CSMD2: variants seen among roughly 807,000 people sequenced by gnomAD.
CSMD2 encodes CUB and sushi domain-containing protein 2.
CSMD2 carries 130 observed loss-of-function variants against 398.5 expected under a neutral mutation model. That is an observed-to-expected ratio of 0.33 (90% CI 0.28 to 0.38). The LOEUF is 0.38. Among genes scored for constraint, CSMD2 ranks in the 10% least tolerant of loss-of-function variants. The pLI is 1.00. For synonymous variants in CSMD2, 1,828 were observed against 1,908.5 expected (o/e 0.96, Z 1.10); for missense variants, 3,829 against 4,764.9 (o/e 0.80, Z 5.78).
rs866947820 is a variant in CSMD2 at position 33,785,395 on chromosome 1, G to A, written c.1663+3205C>T. 2.0e-5 allele frequency among the ~76,000 whole-genome samples: 3 copies of A among 152,238 alleles called. No homozygotes were observed. The South Asian group carries it at 6.2e-4, about 32-fold the overall frequency. ...CCTTGGGAGGCTTCTGGTGCAAGGGGAAAATCCATGGGCTTCTGAAGCCAG... is the reference window on the plus strand; with the variant it reads ...CCTTGGGAGGCTTCTGGTGCAAGGGAAAAATCCATGGGCTTCTGAAGCCAG... On this transcript the variant is annotated intron_variant, in intron 12 of 70. Transcript: ENST00000373381.
chr1:34,052,359 G>C (rs527712757), intron 2 of CSMD2, among the ~76,000 whole-genome samples: 3 of 151,916 alleles, frequency 2.0e-5, no homozygotes, highest in Non-Finnish European at 4.4e-5. Context: ...CAGTAATCTA[G>C]AGATGATTTA....
At position 33,975,719 on chromosome 1, in the gene CSMD2, C is replaced by A. The variant is rs541907490; in HGVS notation, c.518-39765G>T. ...GTAGCAGGTGAAGGGCATCTGGAAG[C>A]TGGTGCAGCCTGGTTGGACTCCACT... On this transcript the variant is annotated intron_variant, in intron 3 of 70. Coordinates refer to ENST00000373381, the MANE Select transcript of CSMD2 (RefSeq NM_001281956.2). Among the ~76,000 whole-genome samples, 69 of 152,228 alleles carry A rather than the reference C, an allele frequency of 4.5e-4. 1 individual carries two copies. In the Middle Eastern group the frequency reaches 0.02, roughly 45 times the overall value.
intron 2 of CSMD2, among the ~76,000 whole-genome samples, chr1:34,054,878 G>C (rs890146221): frequency 3.3e-5 from 5 of 152,160 alleles, no homozygotes; most frequent in Non-Finnish European, 5.9e-5. Flanking sequence ...GTAAGGAGAG[G>C]TGATGATTCC....
At chr1:33,711,137 A>G (rs1013373484) in intron 21 of CSMD2, among the ~76,000 whole-genome samples, 1 of 152,150 alleles carries the variant, frequency 6.6e-6, no homozygotes, top group African/African-American at 2.4e-5. Flanking sequence ...AGACGTTTCC[A>G]GCATGTGTAC....
intron 6 of CSMD2, among the ~76,000 whole-genome samples, chr1:33,841,325 AG>A (rs1660827977): frequency 6.6e-6 from 1 of 152,212 alleles, no homozygotes; most frequent in Admixed American, 6.5e-5. Context: ...TTAACAAGTG[AG>A]TCAAAGTGAT....
At chr1:33,992,333 C>T (rs577241740) in intron 3 of CSMD2, among the ~76,000 whole-genome samples, 3 of 152,174 alleles carry the variant, frequency 2.0e-5, no homozygotes, top group African/African-American at 4.8e-5. Flanking sequence ...GGACTATAGG[C>T]GTGCGCCACC....
At chr1:34,161,458 T>C (rs1641320237) in intron 1 of CSMD2, among the ~76,000 whole-genome samples, 1 of 152,146 alleles carries the variant, frequency 6.6e-6, no homozygotes, top group Non-Finnish European at 1.5e-5. Context: ...TGCAGGACAC[T>C]ATACTTCAGG....
At chr1:33,958,555 C>G (rs1001891590) in intron 3 of CSMD2, among the ~76,000 whole-genome samples, 8 of 152,186 alleles carry the variant, frequency 5.3e-5, no homozygotes, top group African/African-American at 1.9e-4. Flanking sequence ...AAGAAATTCT[C>G]CTGGGTGAGC....
At chr1:33,798,870 G>A (rs1236359550) in intron 10 of CSMD2, among the ~76,000 whole-genome samples, 1 of 152,204 alleles carries the variant, frequency 6.6e-6, no homozygotes, top group Non-Finnish European at 1.5e-5. Context: ...CCAAAAGACA[G>A]GACTCCAGGT....
intron 3 of CSMD2, among the ~76,000 whole-genome samples, chr1:33,950,655 C>G (rs531003576): frequency 6.6e-6 from 1 of 152,234 alleles, no homozygotes; most frequent in East Asian, 1.9e-4. Context: ...ACAGCAAAGG[C>G]TAGGCTACTG....
At chr1:34,118,433 A>T (rs1278803149) in intron 1 of CSMD2, among the ~76,000 whole-genome samples, 1 of 152,222 alleles carries the variant, frequency 6.6e-6, no homozygotes, top group African/African-American at 2.4e-5. Context: ...AGGGAAAGAA[A>T]CAAAAGTCAT....
chr1:33,966,349 T>C (rs950467205), intron 3 of CSMD2, among the ~76,000 whole-genome samples: 1 of 152,172 alleles, frequency 6.6e-6, no homozygotes, highest in Non-Finnish European at 1.5e-5. Flanking sequence ...CTACATAAAG[T>C]AGATCTTTGA....
intron 44 of CSMD2, among the ~76,000 whole-genome samples, chr1:33,591,353 C>T (rs1184403842): frequency 6.6e-6 from 1 of 152,168 alleles, no homozygotes; most frequent in Admixed American, 6.5e-5. Flanking sequence ...TTCATTTGAG[C>T]TTACCAAAGG....
intron 56 of CSMD2, among the ~76,000 whole-genome samples, chr1:33,549,953 T>C (rs146373948): frequency 2.3e-4 from 35 of 152,176 alleles, no homozygotes; most frequent in African/African-American, 7.5e-4. Context: ...TCCCTGGGCA[T>C]GGTCAGGGCT....
At chr1:33,758,920 G>A (rs1649414158) in intron 13 of CSMD2, among the ~76,000 whole-genome samples, 1 of 152,298 alleles carries the variant, frequency 6.6e-6, no homozygotes, top group South Asian at 2.1e-4. Flanking sequence ...AGAACGAGAT[G>A]TTATGTGGAG....
At chr1:33,572,126 A>G (rs1394022175) in intron 50 of CSMD2, among the ~76,000 whole-genome samples, 1 of 152,204 alleles carries the variant, frequency 6.6e-6, no homozygotes, top group Non-Finnish European at 1.5e-5. Context: ...AAAACAAAAC[A>G]AAAACCTCTG....
Position 34,103,289 on chromosome 1 carries a change from C to CTT in CSMD2, c.188-14098_188-14097dup, listed in dbSNP as rs1377493597. ...TGTCTCTACCAGCAAACTCCTTGAG[C>CTT]TTTTTTTTTTTTTTTTTTTTTCTTT... On this transcript the variant is annotated intron_variant, in intron 1 of 70. Transcript: ENST00000373381. 1.4e-3 allele frequency among the ~76,000 whole-genome samples: 152 copies of CTT among 106,958 alleles called. 12 individuals are homozygous for CTT. Among genetic ancestry groups the CTT allele is most frequent in the African/African-American group, 4.7e-3 (117 of 24,744 alleles). The allele number at this position is 106,958 out of a possible 152,430, so 70.2% of individuals were successfully genotyped here.
intron 19 of CSMD2, among the ~76,000 whole-genome samples, chr1:33,723,746 G>C (rs1351576078): frequency 1.3e-5 from 2 of 152,156 alleles, no homozygotes; most frequent in Non-Finnish European, 2.9e-5. Flanking sequence ...CCTCCAGGAT[G>C]CAATACAAGA....
At chr1:33,793,689 G>A (rs2124882214) in intron 10 of CSMD2, among the ~76,000 whole-genome samples, 1 of 146,372 alleles carries the variant, frequency 6.8e-6, no homozygotes, top group Non-Finnish European at 1.5e-5. Flanking sequence ...GGAACTCATT[G>A]GCAGGAGTGA....
Sources: allele counts gnomAD v4.1 joint callset (sites outside exome capture counted in the v4.1 genomes callset), GRCh38; gene constraint gnomAD v4.1.1; transcripts MANE v1.5; gene names NCBI Gene and HGNC (gene_info 2026-07-23, HGNC 2026-07-21).